The following TRIM9 variants were observed in gnomAD, a reference collection of about 807,000 sequenced individuals.
TRIM9 encodes E3 ubiquitin-protein ligase TRIM9.
In TRIM9, 26 loss-of-function variants were observed where a neutral mutation model predicts 78.3. The observed-to-expected ratio is 0.33, with a 90% CI of 0.24 to 0.46. The LOEUF is 0.46. Ranked by LOEUF, TRIM9 falls within the 20% of genes least tolerant of loss-of-function variation. The probability of loss-of-function intolerance (pLI) is 1.00; values close to 1 mark genes in which losing one functional copy is unlikely to be tolerated. For missense variants in TRIM9, 787 were observed against 1,036.4 expected (o/e 0.76, Z 3.30); for synonymous variants, 398 against 416.5 (o/e 0.96, Z 0.54).
At position 50,975,848 on chromosome 14, in the gene TRIM9, G is replaced by A. The variant is rs1241345253; in HGVS notation, c.*1443C>T. On this transcript the variant is annotated 3_prime_UTR_variant, in exon 13 of 13. Transcript: ENST00000684578. ...TGAATTTCAAGGGTAACCTATGTAA[G>A]TCTATCTCTATATAGAAGTAAGATG... is the stretch of plus-strand genomic sequence containing the variant. The A allele has an allele frequency of 6.6e-6, 1 of 152,590 alleles. No homozygotes were observed. Among genetic ancestry groups the A allele is most frequent in the Admixed American group, 6.5e-5 (1 of 15,278 alleles). The allele number at this position is 152,590 out of a possible 1,614,324, so 9.5% of individuals were successfully genotyped here.
intron 1 of TRIM9, among the ~76,000 whole-genome samples, chr14:51,037,613 C>T (rs1458699545): frequency 2.6e-5 from 4 of 151,546 alleles, no homozygotes; most frequent in African/African-American, 9.7e-5. Flanking sequence ...TGTCTTTATT[C>T]CAGTATTAAG....
intron 3 of TRIM9, 40 bp from the exon 4 acceptor site, chr14:51,010,534 C>T (rs376618466): frequency 3.9e-5 from 59 of 1,502,146 alleles, no homozygotes; most frequent in African/African-American, 5.5e-5. Context: ...TCCAAGATGG[C>T]AGAGGGTAGA....
At chr14:51,031,910 C>T (rs77804697) in intron 1 of TRIM9, among the ~76,000 whole-genome samples, 29,697 of 152,052 alleles carry the variant, frequency 0.2, 3,279 homozygotes, top group Non-Finnish European at 0.25. Context: ...AAACAAATCT[C>T]ACCATTTGTA....
At position 50,986,217 on chromosome 14, in the gene TRIM9, C is replaced by A. The variant is rs2052691940; in HGVS notation, c.1604-73G>T. 2.4e-6 allele frequency: 3 copies of A among 1,267,444 alleles called. No homozygotes were observed. In the African/African-American group the frequency reaches 4.6e-5, roughly 19 times the overall value. The allele number at this position is 1,267,444 out of a possible 1,614,324, so 78.5% of individuals were successfully genotyped here. A position where few individuals can be genotyped will look rare whatever the true frequency, so the allele number is the denominator to read the frequency against. On this transcript the variant is annotated intron_variant, in intron 7 of 12. Coordinates refer to ENST00000684578, the MANE Select transcript of TRIM9 (RefSeq NM_001387360.1). ...GTCCCCGTGCACGGTTCCCCAAGAC[C>A]TGCCTTAACAATGCATTCATACAAA...
intron 1 of TRIM9, among the ~76,000 whole-genome samples, chr14:51,056,728 C>T (rs1370613486): frequency 1.3e-5 from 2 of 152,226 alleles, no homozygotes; most frequent in Non-Finnish European, 2.9e-5. Context: ...ATTCCAGGAT[C>T]ATAATTGCAA....
At chr14:50,978,584 C>T (rs1417126010) in intron 12 of TRIM9, among the ~76,000 whole-genome samples, 4 of 152,196 alleles carry the variant, frequency 2.6e-5, no homozygotes, top group East Asian at 1.9e-4. Flanking sequence ...GCCCTACCTA[C>T]GCAATACTGT....
intron 1 of TRIM9, among the ~76,000 whole-genome samples, chr14:51,049,420 C>T (rs1478296445): frequency 2.0e-5 from 3 of 152,218 alleles, no homozygotes; most frequent in Admixed American, 6.5e-5. Flanking sequence ...ACATCTACTA[C>T]AGGGCTGCCA....
chr14:51,062,181 C>A (rs908486814), intron 1 of TRIM9, among the ~76,000 whole-genome samples: 1 of 152,166 alleles, frequency 6.6e-6, no homozygotes, highest in Non-Finnish European at 1.5e-5. Context: ...CTGCTGAAAT[C>A]ACTCAACTGT....
chr14:51,039,274 C>T (rs976361463), intron 1 of TRIM9, among the ~76,000 whole-genome samples: 1 of 152,188 alleles, frequency 6.6e-6, no homozygotes, highest in Admixed American at 6.5e-5. Flanking sequence ...CTGGCTCTTC[C>T]TAATAAAGTT....
At position 50,982,076 on chromosome 14, in the gene TRIM9, G is replaced by T; in HGVS notation, c.1886C>A (p.Ser629Ter). 6.2e-7 allele frequency: 1 copy of T among 1,614,020 alleles called. No individual in the cohort carries two copies. Among genetic ancestry groups the T allele is most frequent in the South Asian group, 1.1e-5 (1 of 91,076 alleles). ...AVAWFAFDPG[S>*]AHSDIILSND... The stretch of plus-strand genomic sequence containing the variant: ...GGAGAGGATGATGTCCGAGTGCGCC[G>T]AGCCAGGGTCGAAAGCAAACCAGGC... Residue 629 changes from serine to a stop codon, truncating the protein, a stop_gained, in exon 11 of 13, where the codon TCG (serine) becomes TAG (stop). Transcript: ENST00000684578. LOFTEE classifies it high-confidence loss of function.
chr14:51,028,898 G>A (rs991393524), intron 1 of TRIM9, among the ~76,000 whole-genome samples: 1 of 152,090 alleles, frequency 6.6e-6, no homozygotes, highest in East Asian at 1.9e-4. Context: ...CCCTCCTTGC[G>A]TGGCTTTCGT....
At chr14:51,092,878 T>C (rs1486538931) in intron 1 of TRIM9, among the ~76,000 whole-genome samples, 1 of 152,100 alleles carries the variant, frequency 6.6e-6, no homozygotes, top group Non-Finnish European at 1.5e-5. Flanking sequence ...GAGAGGGAAC[T>C]AGCGGGTGTC....
intron 3 of TRIM9, among the ~76,000 whole-genome samples, chr14:51,019,226 T>A (rs564240380): frequency 1.3e-5 from 2 of 152,370 alleles, no homozygotes; most frequent in African/African-American, 4.8e-5. Context: ...CTCTGCTCAC[T>A]GTTGGAATAC....
chr14:50,982,218 G>C (rs1327850588), intron 10 of TRIM9, 115 bp from the exon 11 acceptor site: 1 of 1,280,808 alleles, frequency 7.8e-7, no homozygotes, highest in Non-Finnish European at 1.1e-6. Flanking sequence ...TGCCATGCAG[G>C]AAGGAGGCGT....
chr14:51,042,230 T>C (rs2059629374), intron 1 of TRIM9, among the ~76,000 whole-genome samples: 1 of 152,308 alleles, frequency 6.6e-6, no homozygotes, highest in East Asian at 1.9e-4. Flanking sequence ...ACCCAGCCTG[T>C]CGTTGTCCCT....
intron 1 of TRIM9, among the ~76,000 whole-genome samples, chr14:51,054,208 T>C (rs1434677500): frequency 6.6e-6 from 1 of 152,156 alleles, no homozygotes; most frequent in African/African-American, 2.4e-5. Flanking sequence ...ACTATAGGTG[T>C]ATTGCACCAC....
At chr14:51,034,091 T>G (rs2058951946) in intron 1 of TRIM9, among the ~76,000 whole-genome samples, 1 of 152,146 alleles carries the variant, frequency 6.6e-6, no homozygotes, top group Admixed American at 6.5e-5. Flanking sequence ...CTTTTCAAAC[T>G]GGTAATCCAT....
intron 1 of TRIM9, among the ~76,000 whole-genome samples, chr14:51,033,854 T>A (rs1451552196): frequency 6.6e-6 from 1 of 152,208 alleles, no homozygotes; most frequent in Non-Finnish European, 1.5e-5. Context: ...ACAAGTTCAG[T>A]TGTATTTATA....
chr14:51,062,900 C>T (rs386472336), intron 1 of TRIM9, among the ~76,000 whole-genome samples: 36 of 152,216 alleles, frequency 2.4e-4, no homozygotes, highest in Non-Finnish European at 3.8e-4. Context: ...TTTATAGATA[C>T]CTTGGAATTT....
Sources: gnomAD v4.1 joint callset for allele counts (sites outside exome capture counted in the v4.1 genomes callset) on GRCh38, gnomAD v4.1.1 for gene constraint, MANE v1.5 for transcripts, NCBI Gene and HGNC (gene_info 2026-07-23, HGNC 2026-07-21) for gene names.